The following CHL1 variants were observed in gnomAD, a reference collection of about 807,000 sequenced individuals.
CHL1 encodes cell adhesion molecule L1 like, also known as neural cell adhesion molecule L1-like protein.
CHL1 carries 96 observed loss-of-function variants against 141.9 expected under a neutral mutation model. The ratio of observed to expected loss-of-function variants is 0.68; its 90% CI spans 0.57 to 0.80. The LOEUF (loss-of-function observed/expected upper bound fraction) is 0.80. CHL1 is among the 30% of genes least tolerant of loss of function. CHL1 has a pLI of 0.00. For synonymous variants in CHL1, 613 were observed against 502.2 expected (o/e 1.22, Z -2.95); for missense variants, 1,820 against 1,457.2 (o/e 1.25, Z -4.05).
At chr3:396,395 C>T (rs1425607734) in intron 24 of CHL1, among the ~76,000 whole-genome samples, 2 of 152,072 alleles carry the variant, frequency 1.3e-5, no homozygotes, top group Non-Finnish European at 2.9e-5. Flanking sequence ...ATAACCAAGA[C>T]CATAATGTGC....
At chr3:310,456 T>C (rs1699664419) in intron 2 of CHL1, among the ~76,000 whole-genome samples, 3 of 152,184 alleles carry the variant, frequency 2.0e-5, no homozygotes, top group African/African-American at 7.2e-5. Context: ...GAAAAAGAAT[T>C]AAGAGGATGT....
intron 2 of CHL1, among the ~76,000 whole-genome samples, chr3:311,527 G>T (rs906859668): frequency 6.6e-6 from 1 of 152,024 alleles, no homozygotes. Flanking sequence ...AAATAGCACT[G>T]CCCAGTCATG....
intron 24 of CHL1, 52 bp from the exon 25 acceptor site, chr3:398,175 C>T: frequency 2.4e-6 from 3 of 1,250,248 alleles, no homozygotes; most frequent in Admixed American, 2.4e-5. Flanking sequence ...TTTTTTATGT[C>T]CTGTTTTTCC....
intron 11 of CHL1, among the ~76,000 whole-genome samples, chr3:359,518 G>A (rs995351209): frequency 6.6e-6 from 1 of 151,964 alleles, no homozygotes; most frequent in Admixed American, 6.6e-5. Context: ...GGCTAGGCTG[G>A]TCTTGAACTC....
chr3:336,476 G>A (rs955210783), intron 5 of CHL1, among the ~76,000 whole-genome samples: 2 of 152,010 alleles, frequency 1.3e-5, no homozygotes, highest in African/African-American at 4.8e-5. Context: ...TGGCATGATG[G>A]GATTACACAG....
At chr3:364,417 A>G (rs914842344) in intron 14 of CHL1, among the ~76,000 whole-genome samples, 3 of 152,174 alleles carry the variant, frequency 2.0e-5, no homozygotes, top group African/African-American at 7.2e-5. Flanking sequence ...GTAAACCTAT[A>G]TCAAGGTTAA....
At chr3:376,392 C>A (rs762053384) in intron 15 of CHL1, 1 of 517,364 alleles carries the variant, frequency 1.9e-6, no homozygotes, top group East Asian at 5.5e-5. Context: ...GGAACCTGGA[C>A]TGAGGCTGGA....
intron 1 of CHL1, among the ~76,000 whole-genome samples, chr3:200,660 C>G (rs1296540495): frequency 6.6e-6 from 1 of 152,124 alleles, no homozygotes; most frequent in Non-Finnish European, 1.5e-5. Context: ...AGCATTCTTT[C>G]AAAGAAAGAT....
At chr3:327,564 T>C (rs1257669663) in intron 4 of CHL1, among the ~76,000 whole-genome samples, 1 of 152,038 alleles carries the variant, frequency 6.6e-6, no homozygotes, top group Non-Finnish European at 1.5e-5. Flanking sequence ...TATAGGGTTG[T>C]TTCTCACAAT....
At chr3:390,609 T>C in intron 20 of CHL1, 92 bp from the exon 21 acceptor site, 1 of 728,218 alleles carries the variant, frequency 1.4e-6, no homozygotes, top group South Asian at 1.7e-5. Flanking sequence ...AAGTGCTTTC[T>C]CCAGAAGAAA....
chr3:360,167 A>G (rs544011956), intron 11 of CHL1, 117 bp from the exon 12 acceptor site: 2 of 1,101,740 alleles, frequency 1.8e-6, no homozygotes, highest in East Asian at 2.7e-5. Context: ...TCAATGAACT[A>G]TTAGTCACCC....
chr3:307,937 T>C (rs367719097), intron 2 of CHL1, among the ~76,000 whole-genome samples: 1 of 152,222 alleles, frequency 6.6e-6, no homozygotes, highest in African/African-American at 2.4e-5. Context: ...TAATGATTTG[T>C]TTTTGTTGAC....
intron 2 of CHL1, among the ~76,000 whole-genome samples, chr3:261,114 T>A (rs998024480): frequency 6.6e-6 from 1 of 152,218 alleles, no homozygotes; most frequent in African/African-American, 2.4e-5. Flanking sequence ...GCACACCCTA[T>A]GGCTTTACCC....
chr3:232,638 G>A (rs575098743), intron 1 of CHL1, among the ~76,000 whole-genome samples: 1 of 152,090 alleles, frequency 6.6e-6, no homozygotes, highest in South Asian at 2.1e-4. Flanking sequence ...TTGCTCATGA[G>A]TAGCTATAAA....
At chr3:287,029 C>A in intron 2 of CHL1, among the ~76,000 whole-genome samples, 1 of 152,124 alleles carries the variant, frequency 6.6e-6, no homozygotes, top group East Asian at 1.9e-4. Flanking sequence ...TTGTGCCAAC[C>A]TCCTATCTCA....
chr3:405,811 C>G lies in CHL1; in HGVS notation c.*100C>G. 1 of 786,810 alleles carries G rather than the reference C, an allele frequency of 1.3e-6. No homozygotes were observed. The allele number at this position is 786,810 out of a possible 1,614,324, so 48.7% of individuals were successfully genotyped here. A position where few individuals can be genotyped will look rare whatever the true frequency, so the allele number is the denominator to read the frequency against. On this transcript the variant is annotated 3_prime_UTR_variant, in exon 28 of 28. Transcript: ENST00000256509. ...TCATATAGGAATAGAAACATGCTGG[C>G]CGAAGATTTCATCCAGAAGTCAACA... is the stretch of plus-strand genomic sequence containing the variant.
chr3:212,027 A>G (rs1220627441), intron 1 of CHL1, among the ~76,000 whole-genome samples: 2 of 152,330 alleles, frequency 1.3e-5, no homozygotes, highest in African/African-American at 4.8e-5. Flanking sequence ...TTACTTATTC[A>G]GAAAATTCAA....
chr3:268,454 G>A (rs951928468), intron 2 of CHL1, among the ~76,000 whole-genome samples: 6 of 152,142 alleles, frequency 3.9e-5, no homozygotes, highest in Non-Finnish European at 7.3e-5. Flanking sequence ...AGAATCACTT[G>A]AACCTGGGAG....
chr3:401,353 C>A (rs1403178570), intron 26 of CHL1, among the ~76,000 whole-genome samples: 2 of 152,198 alleles, frequency 1.3e-5, no homozygotes, highest in Non-Finnish European at 2.9e-5. Flanking sequence ...AATAAGACTT[C>A]TCGTTCACAT....
Sources: allele counts gnomAD v4.1 joint callset (sites outside exome capture counted in the v4.1 genomes callset), GRCh38; gene constraint gnomAD v4.1.1; transcripts MANE v1.5; gene names NCBI Gene and HGNC (gene_info 2026-07-23, HGNC 2026-07-21).